CCSER1: variants seen among roughly 807,000 people sequenced by gnomAD.
The protein encoded by CCSER1 is serine-rich coiled-coil domain-containing protein 1.
Under a neutral mutation model 82.0 loss-of-function variants are expected in CCSER1, and 41 were observed. That is an observed-to-expected ratio of 0.50 (90% CI 0.39 to 0.65). CCSER1 has a LOEUF of 0.65. Ranked by LOEUF, CCSER1 falls within the 30% of genes least tolerant of loss-of-function variation. CCSER1 has a pLI of 0.00. For synonymous variants in CCSER1, 414 were observed against 383.9 expected (o/e 1.08, Z -0.92); for missense variants, 1,119 against 1,064.2 (o/e 1.05, Z -0.72).
intron 9 of CCSER1, among the ~76,000 whole-genome samples, chr4:91,077,546 C>T (rs751620518): frequency 6.6e-5 from 10 of 152,146 alleles, no homozygotes; most frequent in South Asian, 2.1e-4. Flanking sequence ...GTGTGAATGA[C>T]GAAGAAGACG....
chr4:90,385,941 G>A (rs2870247), intron 3 of CCSER1, among the ~76,000 whole-genome samples: 55,413 of 151,734 alleles, frequency 0.37, 10,649 homozygotes, highest in African/African-American at 0.47. Flanking sequence ...CTGAGAGTAT[G>A]TTTAACCAAA....
intron 3 of CCSER1, among the ~76,000 whole-genome samples, chr4:90,381,764 A>C (rs977055414): frequency 6.6e-6 from 1 of 152,132 alleles, no homozygotes; most frequent in Non-Finnish European, 1.5e-5. Flanking sequence ...ATTTACAGTA[A>C]TATGAATTTT....
chr4:91,196,178 CAAAAA>C (rs61336014), intron 10 of CCSER1, among the ~76,000 whole-genome samples: 3 of 60,818 alleles, frequency 4.9e-5, no homozygotes, highest in Admixed American at 1.8e-4. Flanking sequence ...AACAGCGAGA[CAAAAA>C]AAAAAAAAAA....
intron 5 of CCSER1, among the ~76,000 whole-genome samples, chr4:90,566,764 A>G (rs1434625553): frequency 1.3e-5 from 2 of 151,944 alleles, no homozygotes; most frequent in South Asian, 4.2e-4. Context: ...CACCACGCCC[A>G]GCTAATTTTG....
intron 1 of CCSER1, among the ~76,000 whole-genome samples, chr4:90,137,620 A>G (rs1290005479): frequency 1.3e-5 from 2 of 152,212 alleles, no homozygotes; most frequent in Non-Finnish European, 2.9e-5. Flanking sequence ...TTTAAAAGCT[A>G]AGGAATTATA....
chr4:91,087,616 T>A (rs1490827899), intron 10 of CCSER1, among the ~76,000 whole-genome samples: 20 of 152,074 alleles, frequency 1.3e-4, no homozygotes, highest in Admixed American at 1.3e-3. Flanking sequence ...AATGTATACA[T>A]CTCCATAGAA....
intron 7 of CCSER1, among the ~76,000 whole-genome samples, chr4:90,751,897 TTAAGTTA>T (rs1748723008): frequency 6.6e-6 from 1 of 152,064 alleles, no homozygotes; most frequent in African/African-American, 2.4e-5. Context: ...TTAAAACCTT[TTAAGTTA>T]TAAGTCTATT....
chr4:91,503,520 G>A (rs1407448243), intron 10 of CCSER1, among the ~76,000 whole-genome samples: 1 of 152,042 alleles, frequency 6.6e-6, no homozygotes, highest in African/African-American at 2.4e-5. Flanking sequence ...TAATTTTGAT[G>A]AATTTAAAGC....
intron 10 of CCSER1, among the ~76,000 whole-genome samples, chr4:91,558,614 C>G (rs1227762262): frequency 6.6e-6 from 1 of 151,580 alleles, no homozygotes; most frequent in African/African-American, 2.4e-5. Context: ...TTCCACATGG[C>G]TGGGGAGGAC....
intron 10 of CCSER1, among the ~76,000 whole-genome samples, chr4:91,411,491 C>CATACAT (rs1186692045): frequency 3.9e-4 from 21 of 53,806 alleles, no homozygotes; most frequent in African/African-American, 1.7e-3. Flanking sequence ...TGCATATATA[C>CATACAT]ATATATATAT....
chr4:90,934,946 A>G (rs1174465321), intron 9 of CCSER1, among the ~76,000 whole-genome samples: 1 of 152,062 alleles, frequency 6.6e-6, no homozygotes, highest in African/African-American at 2.4e-5. Context: ...ACACACGCAC[A>G]CACACAGACA....
intron 10 of CCSER1, among the ~76,000 whole-genome samples, chr4:91,496,597 TATTTGAATATATATATAC>T (rs1758830738): frequency 4.1e-5 from 1 of 24,160 alleles, no homozygotes; most frequent in South Asian, 1.8e-3. Flanking sequence ...CACGAATATA[TATTTGAATATATATATAC>T]ACGAATATAT....
intron 9 of CCSER1, among the ~76,000 whole-genome samples, chr4:90,964,752 A>AAG (rs1734393351): frequency 6.7e-6 from 1 of 149,924 alleles, no homozygotes; most frequent in African/African-American, 2.5e-5. Flanking sequence ...AAAAAAAAAA[A>AAG]GCAACAAGAA....
At chr4:91,311,769 A>C (rs552694599) in intron 10 of CCSER1, among the ~76,000 whole-genome samples, 1 of 152,096 alleles carries the variant, frequency 6.6e-6, no homozygotes, top group African/African-American at 2.4e-5. Flanking sequence ...CCATATAGGT[A>C]GAATTATTAG....
At chr4:90,814,163 G>A (rs1185623384) in intron 7 of CCSER1, among the ~76,000 whole-genome samples, 1 of 152,164 alleles carries the variant, frequency 6.6e-6, no homozygotes, top group African/African-American at 2.4e-5. Context: ...CTGTACGTTG[G>A]CCCCTATTAG....
intron 1 of CCSER1, among the ~76,000 whole-genome samples, chr4:90,285,274 G>A (rs543187930): frequency 1.2e-4 from 19 of 152,102 alleles, no homozygotes; most frequent in Middle Eastern, 3.4e-3. Flanking sequence ...TCTAATTCAT[G>A]AACATGGAAT....
intron 8 of CCSER1, among the ~76,000 whole-genome samples, chr4:90,911,792 T>A (rs1726414398): frequency 1.3e-5 from 2 of 152,176 alleles, no homozygotes; most frequent in Non-Finnish European, 2.9e-5. Context: ...AATACTGCGC[T>A]TTTCCGATGG....
intron 5 of CCSER1, among the ~76,000 whole-genome samples, chr4:90,582,374 A>G (rs2148643443): frequency 6.6e-6 from 1 of 152,306 alleles, no homozygotes; most frequent in South Asian, 2.1e-4. Context: ...TCAAGAACAA[A>G]GGCATAGATA....
At chr4:91,432,785 A>T (rs1754406516) in intron 10 of CCSER1, among the ~76,000 whole-genome samples, 1 of 152,048 alleles carries the variant, frequency 6.6e-6, no homozygotes, top group Non-Finnish European at 1.5e-5. Context: ...TAGTAATAGA[A>T]CTTCTATATT....
Sources: allele counts gnomAD v4.1 joint callset (sites outside exome capture counted in the v4.1 genomes callset), GRCh38; gene constraint gnomAD v4.1.1; transcripts MANE v1.5; gene names NCBI Gene and HGNC (gene_info 2026-07-23, HGNC 2026-07-21).